The following SIX4 variants were observed in gnomAD, a reference collection of about 807,000 sequenced individuals.
SIX4 encodes homeobox protein SIX4.
In SIX4, 23 loss-of-function variants were observed where a neutral mutation model predicts 51.5. That is an observed-to-expected ratio of 0.45 (90% CI 0.32 to 0.63). SIX4 has a LOEUF of 0.63. SIX4 is among the 30% of genes least tolerant of loss of function. The probability of loss-of-function intolerance (pLI) is 0.04; values close to 1 mark genes in which losing one functional copy is unlikely to be tolerated. For synonymous variants in SIX4, 413 were observed against 417.3 expected (o/e 0.99, Z 0.13); for missense variants, 867 against 984.0 (o/e 0.88, Z 1.59).
Position 60,717,286 on chromosome 14 carries a change from G to C in SIX4, c.1549+2474C>G, listed in dbSNP as rs1381744442. Reference sequence around the variant, plus strand: ...AGACGGGGTTTCAATATGTTAGGCTGGTCTGGAACTCCTGACCTCAGGTGA... The same window carrying C: ...AGACGGGGTTTCAATATGTTAGGCTCGTCTGGAACTCCTGACCTCAGGTGA... On this transcript the variant is annotated intron_variant, in intron 2 of 2. Transcript: ENST00000216513. The surrounding 1 kb of genome is among the most constrained non-coding windows in gnomAD (Gnocchi z 4.6). 6.3e-6 allele frequency: 1 copy of C among 158,402 alleles called. No homozygotes were observed. The highest frequency in any genetic ancestry group is 2.4e-5 in the African/African-American group (1 of 41,428). The allele number at this position is 158,402 out of a possible 1,614,324, so 9.8% of individuals were successfully genotyped here.
At chr14:60,723,031 C>A in intron 1 of SIX4, 181 bp downstream of exon 1, 7 of 1,384,806 alleles carry the variant, frequency 5.1e-6, no homozygotes, top group Non-Finnish European at 5.6e-6. Flanking sequence ...CCCCCGCCCC[C>A]CGCCTCCGCC....
In SIX4 at chr14:60,723,688, C is replaced by T; in HGVS notation, c.387G>A (p.Leu129=). 3 of 1,566,994 alleles carry T rather than the reference C, an allele frequency of 1.9e-6. No homozygotes were observed. The highest frequency in any genetic ancestry group is 1.4e-5 in the African/African-American group (1 of 73,894). Residue 129 remains leucine (L), a synonymous_variant, in exon 1 of 3, where the codon CTG becomes CTA. Coordinates refer to ENST00000216513, the MANE Select transcript of SIX4 (RefSeq NM_017420.5). ...ALQQGGNLDR[L]ARFLWSLPQS... is the part of the protein sequence containing the mutation. ...GGGGCAGGGACCACAGGAACCGGGC[C>T]AGGCGGTCCAGGTTGCCCCCCTGCT...
At chr14:60,721,434 T>G (rs924560952) in intron 1 of SIX4, among the ~76,000 whole-genome samples, 1 of 152,324 alleles carries the variant, frequency 6.6e-6, no homozygotes, top group East Asian at 1.9e-4. Flanking sequence ...CGGTTCGCTT[T>G]CATGCCGAGG....
rs764976908 is a variant in SIX4 at position 60,713,850 on chromosome 14, G to T, written c.1903C>A (p.Arg635Ser). The T allele has an allele frequency of 4.3e-6, 7 of 1,613,984 alleles. No individual in the cohort carries two copies. In the Admixed American group the frequency reaches 5.0e-5, roughly 12 times the overall value. Reference protein sequence around the residue: ...STLLNPTELNRDIADSQPMSA... With the variant: ...STLLNPTELNSDIADSQPMSA... ...ATTGGTTGGCTATCGGCAATGTCGCGGTTTAGCTCAGTGGGATTTAGTAGT... is the reference window on the plus strand; with the variant it reads ...ATTGGTTGGCTATCGGCAATGTCGCTGTTTAGCTCAGTGGGATTTAGTAGT... The change falls in exon 3 of 3, where the codon CGC becomes AGC. Residue 635 changes from arginine to serine, a missense_variant. Transcript: ENST00000216513.
At position 60,724,179 on chromosome 14, in the gene SIX4, C is replaced by T; in HGVS notation, c.-105G>A. 6.3e-7 allele frequency: 1 copy of T among 1,588,610 alleles called. No individual in the cohort carries two copies. The highest frequency in any genetic ancestry group is 8.5e-7 in the Non-Finnish European group (1 of 1,172,680). On this transcript the variant is annotated 5_prime_UTR_variant, in exon 1 of 3. Transcript: ENST00000216513. The stretch of plus-strand genomic sequence containing the variant: ...CTTCGTCTCCCTCCCTCCTCTCCCC[C>T]TCCGGAAAGCCCACTCCCTCCCTCC...
Position 60,714,003 on chromosome 14 carries a change from C to T in SIX4, c.1750G>A (p.Val584Ile), listed in dbSNP as rs777485585. The T allele has an allele frequency of 8.7e-6, 14 of 1,613,980 alleles. No individual in the cohort carries two copies. The highest frequency in any genetic ancestry group is 2.5e-6 in the Non-Finnish European group (3 of 1,179,998). The change falls in exon 3 of 3, where the codon GTC (valine) becomes ATC (isoleucine). Residue 584 changes from valine (V) to isoleucine (I), a missense_variant. By Grantham distance (29) the Val-to-Ile change is conservative (BLOSUM62 3). Coordinates refer to ENST00000216513, the MANE Select transcript of SIX4 (RefSeq NM_017420.5). ...GCATTTACTTGTGCATTCTGATTGA[C>T]AGGCATCAACTGAGAAAATACCAGG... ...RSLVFSQLMP[V>I]NQNAQVNANL...
At chr14:60,721,336 A>G (rs898241870) in intron 1 of SIX4, among the ~76,000 whole-genome samples, 1 of 151,794 alleles carries the variant, frequency 6.6e-6, no homozygotes, top group African/African-American at 2.4e-5. Flanking sequence ...TGGGAGGGAG[A>G]GCAAACGAGA....
chr14:60,723,658 G>T lies in SIX4; in HGVS notation c.417C>A (p.Ser139Arg). 6.3e-7 allele frequency: 1 copy of T among 1,589,746 alleles called. No individual in the cohort carries two copies. Among genetic ancestry groups the T allele is most frequent in the Non-Finnish European group, 8.6e-7 (1 of 1,169,354 alleles). ...LARFLWSLPQSDLLRGNESLL... is the reference protein window; with the variant it reads ...LARFLWSLPQRDLLRGNESLL... ...GGCTCTCGTTGCCACGTAGCAGGTC[G>T]CTCTGGGGCAGGGACCACAGGAACC... The change falls in exon 1 of 3, where the codon AGC becomes AGA. Residue 139 changes from serine (S) to arginine (R), a missense_variant. Ser to Arg is a moderately radical substitution (Grantham distance 110). Coordinates refer to ENST00000216513, the MANE Select transcript of SIX4 (RefSeq NM_017420.5).
At position 60,723,550 on chromosome 14, in the gene SIX4, C is replaced by G; in HGVS notation, c.525G>C (p.Glu175Asp). ...LYSILESHSF[E>D]SANHPLLQQL... ...GCTGCAGCAGCGGGTGGTTGGCCGACTCGAAGCTGTGGCTCTCGAGGATGC... is the reference window on the plus strand; with the variant it reads ...GCTGCAGCAGCGGGTGGTTGGCCGAGTCGAAGCTGTGGCTCTCGAGGATGC... Residue 175 changes from glutamate (E) to aspartate (D), a missense_variant, in exon 1 of 3, where the codon GAG (glutamate) becomes GAC (aspartate). Coordinates refer to ENST00000216513, the MANE Select transcript of SIX4 (RefSeq NM_017420.5). The G allele has an allele frequency of 6.2e-7, 1 of 1,609,486 alleles. No homozygotes were observed. Among genetic ancestry groups the G allele is most frequent in the Non-Finnish European group, 8.5e-7 (1 of 1,179,520 alleles).
chr14:60,720,579 A>T lies in SIX4; in HGVS notation c.864-134T>A, dbSNP rs1207023326. On this transcript the variant is annotated intron_variant, in intron 1 of 2. Coordinates refer to ENST00000216513, the MANE Select transcript of SIX4 (RefSeq NM_017420.5). The surrounding 1 kb of genome is among the most constrained non-coding windows in gnomAD (Gnocchi z 5.5). ...AGGAAAGCACAGCAGGATATCTGCT[A>T]GTCCTATTTAAACTAAGAGGCCTTT... 3 of 826,930 alleles carry T rather than the reference A, an allele frequency of 3.6e-6. No homozygotes were observed. The highest frequency in any genetic ancestry group is 5.5e-6 in the Non-Finnish European group (3 of 544,744). The allele number at this position is 826,930 out of a possible 1,614,324, so 51.2% of individuals were successfully genotyped here. A position where few individuals can be genotyped will look rare whatever the true frequency, so the allele number is the denominator to read the frequency against.
Position 60,712,162 on chromosome 14 carries a change from A to T in SIX4, c.*1245T>A, listed in dbSNP as rs1895835437. 6.6e-6 allele frequency: 1 copy of T among 152,664 alleles called. No homozygotes were observed. Among genetic ancestry groups the T allele is most frequent in the African/African-American group, 2.4e-5 (1 of 41,466 alleles). 9.5% of individuals were successfully genotyped at this position (152,664 alleles called of 1,614,324 possible). Reference sequence around the variant, plus strand: ...ATTTACATATTTTCTTTCCTTTAAAATGGTTTTCATAGCCTGTATAATCAA... The same window carrying T: ...ATTTACATATTTTCTTTCCTTTAAATTGGTTTTCATAGCCTGTATAATCAA... On this transcript the variant is annotated 3_prime_UTR_variant, in exon 3 of 3. Coordinates refer to ENST00000216513, the MANE Select transcript of SIX4 (RefSeq NM_017420.5).
Position 60,713,955 on chromosome 14 carries a change from A to C in SIX4, c.1798T>G (p.Ser600Ala), listed in dbSNP as rs151207390. Residue 600 changes from serine to alanine, a missense_variant, in exon 3 of 3, where the codon TCG becomes GCG. Physicochemically the swap from Ser to Ala is moderately conservative, Grantham distance 99. Transcript: ENST00000216513. ...VNANLSSENI[S>A]GSGLHPLASS... ...GCCAGTGGATGCAGGCCACTCCCCG[A>C]GATGTTTTCAGAAGACAGGTTTGCA... is the stretch of plus-strand genomic sequence containing the variant. The C allele has an allele frequency of 1.2e-4, 196 of 1,614,188 alleles. 1 individual carries two copies. The East Asian group carries it at 3.9e-3, about 32-fold the overall frequency.
Position 60,712,332 on chromosome 14 carries a change from T to C in SIX4, c.*1075A>G, listed in dbSNP as rs1386074281. 2 of 152,620 alleles carry C rather than the reference T, an allele frequency of 1.3e-5. No individual in the cohort carries two copies. The highest frequency in any genetic ancestry group is 4.8e-5 in the African/African-American group (2 of 41,442). The allele number at this position is 152,620 out of a possible 1,614,324, so 9.5% of individuals were successfully genotyped here. ...GATTTAAAGCAATTTTGTGGTGAAA[T>C]TAACCCTGTTAGATAGTAGAAAAGA... On this transcript the variant is annotated 3_prime_UTR_variant, in exon 3 of 3. Transcript: ENST00000216513.
At position 60,717,756 on chromosome 14, in the gene SIX4, A is replaced by C. The variant is rs1471064083; in HGVS notation, c.1549+2004T>G. ...AAAATCAGGCCAGGCGCTGTGGCTC[A>C]TGCCTGTAATCCCAGCACTTTGGGA... On this transcript the variant is annotated intron_variant, in intron 2 of 2. Coordinates refer to ENST00000216513, the MANE Select transcript of SIX4 (RefSeq NM_017420.5). The surrounding 1 kb of genome is among the most constrained non-coding windows in gnomAD (Gnocchi z 4.6). Among the ~76,000 whole-genome samples, 1 of 152,200 alleles carries C rather than the reference A, an allele frequency of 6.6e-6. No individual in the cohort carries two copies. Among genetic ancestry groups the C allele is most frequent in the Non-Finnish European group, 1.5e-5 (1 of 68,034 alleles).
intron 2 of SIX4, among the ~76,000 whole-genome samples, chr14:60,714,563 T>A (rs1331749992): frequency 6.6e-6 from 1 of 152,190 alleles, no homozygotes; most frequent in East Asian, 1.9e-4. Context: ...CCATCTTTCA[T>A]CAGCTTCTTA....
At position 60,723,558 on chromosome 14, in the gene SIX4, T is replaced by C; in HGVS notation, c.517A>G (p.Ser173Gly). 1.2e-6 allele frequency: 2 copies of C among 1,610,188 alleles called. No homozygotes were observed. Among genetic ancestry groups the C allele is most frequent in the Non-Finnish European group, 1.7e-6 (2 of 1,179,558 alleles). ...AGCGGGTGGTTGGCCGACTCGAAGC[T>C]GTGGCTCTCGAGGATGCTGTAGAGC... The part of the protein sequence containing the change: ...PELYSILESH[S>G]FESANHPLLQ... The change falls in exon 1 of 3, where the codon AGC becomes GGC. Residue 173 changes from serine to glycine, a missense_variant. Physicochemically the swap from Ser to Gly is moderately conservative, Grantham distance 56 (BLOSUM62 0). Coordinates refer to ENST00000216513, the MANE Select transcript of SIX4 (RefSeq NM_017420.5).
At chr14:60,714,454 G>A (rs1252301445) in intron 2 of SIX4, among the ~76,000 whole-genome samples, 1 of 151,830 alleles carries the variant, frequency 6.6e-6, no homozygotes, top group Admixed American at 6.6e-5. Context: ...TATATATATA[G>A]ATATATTTTG....
At chr14:60,721,977 G>A (rs1221565477) in intron 1 of SIX4, among the ~76,000 whole-genome samples, 2 of 152,218 alleles carry the variant, frequency 1.3e-5, no homozygotes, top group African/African-American at 4.8e-5. Context: ...GAACGCCGGA[G>A]CCCGAGCCGT....
At chr14:60,714,352 T>G in intron 2 of SIX4, 149 bp from the exon 3 acceptor site, 1 of 659,654 alleles carries the variant, frequency 1.5e-6, no homozygotes, top group Non-Finnish European at 2.4e-6. Flanking sequence ...AGAATTACCT[T>G]GGGCACCTAA....
Sources: allele counts gnomAD v4.1 joint callset (sites outside exome capture counted in the v4.1 genomes callset), GRCh38; gene constraint gnomAD v4.1.1; non-coding constraint Gnocchi (gnomAD v3.1); transcripts MANE v1.5; gene names NCBI Gene and HGNC (gene_info 2026-07-23, HGNC 2026-07-21).